The following GALNT13 variants were observed in gnomAD, a reference collection of about 807,000 sequenced individuals.
GALNT13 encodes the protein UDP-GalNAc:polypeptide N-acetylgalactosaminyltransferase 13.
GALNT13 carries 28 observed loss-of-function variants against 64.2 expected under a neutral mutation model. The observed-to-expected ratio is 0.44, with a 90% CI of 0.32 to 0.60. The LOEUF (loss-of-function observed/expected upper bound fraction) is 0.60, where lower values mean the gene tolerates loss of function less well. Ranked by LOEUF, GALNT13 falls within the 20% of genes least tolerant of loss-of-function variation. The probability of loss-of-function intolerance (pLI) is 0.05; values close to 1 mark genes in which losing one functional copy is unlikely to be tolerated. For missense variants in GALNT13, 577 were observed against 669.8 expected (o/e 0.86, Z 1.53); for synonymous variants, 214 against 224.6 (o/e 0.95, Z 0.42).
At chr2:154,429,799 G>A (rs1028073905) in intron 11 of GALNT13, among the ~76,000 whole-genome samples, 3 of 152,084 alleles carry the variant, frequency 2.0e-5, no homozygotes, top group East Asian at 1.9e-4. Context: ...AAAATATAGC[G>A]AGTGACTTTA....
At chr2:153,767,805 T>TC in the GALNT13 span, among the ~76,000 whole-genome samples, 706 of 151,084 alleles carry the variant, frequency 4.7e-3, 5 homozygotes, top group African/African-American at 0.015. Flanking sequence ...TTTTTTTTTT[T>TC]CCCCCTGTTT....
At chr2:153,619,778 G>A in the GALNT13 span, among the ~76,000 whole-genome samples, 1 of 152,044 alleles carries the variant, frequency 6.6e-6, no homozygotes, top group Non-Finnish European at 1.5e-5. Flanking sequence ...CCCTCTCCTG[G>A]CCTGTAAGGT....
At chr2:153,318,085 C>A in the GALNT13 span, among the ~76,000 whole-genome samples, 3 of 146,940 alleles carry the variant, frequency 2.0e-5, no homozygotes, top group Middle Eastern at 0.011. Context: ...GTGCTAATAT[C>A]TTTGCAACCT....
At chr2:153,297,857 G>C in the GALNT13 span, among the ~76,000 whole-genome samples, 4 of 152,180 alleles carry the variant, frequency 2.6e-5, no homozygotes, top group Non-Finnish European at 5.9e-5. Flanking sequence ...GTGTCACAAT[G>C]TGCTGACTGA....
chr2:153,630,789 ATATATATATATATATATATTTTT>A, the GALNT13 span, among the ~76,000 whole-genome samples: 12 of 12,386 alleles, frequency 9.7e-4, no homozygotes, highest in South Asian at 0.042. Flanking sequence ...ATATATATAT[ATATATATATATATATATATTTTT>A]TTTTTTTTTT....
chr2:153,742,262 T>C, the GALNT13 span, among the ~76,000 whole-genome samples: 1 of 152,164 alleles, frequency 6.6e-6, no homozygotes, highest in South Asian at 2.1e-4. Context: ...TTTACCTTCA[T>C]ATAATGTCCT....
chr2:153,365,827 A>G, the GALNT13 span, among the ~76,000 whole-genome samples: 237 of 152,324 alleles, frequency 1.6e-3, 2 homozygotes, highest in African/African-American at 5.1e-3. Context: ...TGTGGAAGAC[A>G]GTGTGGAGAT....
chr2:153,721,670 G>A, the GALNT13 span, among the ~76,000 whole-genome samples: 2 of 151,448 alleles, frequency 1.3e-5, no homozygotes, highest in African/African-American at 4.9e-5. Context: ...CCTAGTCTCT[G>A]ATAAAACAGA....
the GALNT13 span, among the ~76,000 whole-genome samples, chr2:153,711,567 A>C: frequency 2.6e-5 from 4 of 152,172 alleles, no homozygotes; most frequent in Non-Finnish European, 4.4e-5. Context: ...ATTTCCACCC[A>C]GGTTTGACAT....
At chr2:153,535,845 G>A in the GALNT13 span, among the ~76,000 whole-genome samples, 1 of 152,158 alleles carries the variant, frequency 6.6e-6, no homozygotes, top group Middle Eastern at 3.2e-3. Flanking sequence ...ATAAAGGCTG[G>A]TCTGTTATCA....
chr2:153,088,938 T>C, the GALNT13 span, among the ~76,000 whole-genome samples: 1 of 152,188 alleles, frequency 6.6e-6, no homozygotes, highest in Non-Finnish European at 1.5e-5. Flanking sequence ...GGTGTGTATC[T>C]TTAAAGTGGA....
the GALNT13 span, among the ~76,000 whole-genome samples, chr2:153,299,951 G>A: frequency 6.6e-6 from 1 of 152,080 alleles, no homozygotes; most frequent in African/African-American, 2.4e-5. Flanking sequence ...TCATCCCGTG[G>A]TGCCGAGTAC....
chr2:153,948,340 A>G (rs1017366249), intron 3 of GALNT13, among the ~76,000 whole-genome samples: 7 of 152,092 alleles, frequency 4.6e-5, no homozygotes, highest in African/African-American at 1.7e-4. Flanking sequence ...TATTACTAAA[A>G]AGTCAAAAAA....
chr2:153,158,648 A>G, the GALNT13 span, among the ~76,000 whole-genome samples: 2 of 152,186 alleles, frequency 1.3e-5, no homozygotes, highest in Non-Finnish European at 2.9e-5. Context: ...ATGACCCATG[A>G]AAGGTATTCT....
At chr2:154,010,714 TC>T (rs1447528335) in intron 3 of GALNT13, among the ~76,000 whole-genome samples, 14 of 152,154 alleles carry the variant, frequency 9.2e-5, no homozygotes, top group Admixed American at 5.2e-4. Flanking sequence ...GTCAATCTGG[TC>T]CAGGACTTTT....
the GALNT13 span, among the ~76,000 whole-genome samples, chr2:153,072,548 A>T: frequency 6.6e-6 from 1 of 152,160 alleles, no homozygotes; most frequent in African/African-American, 2.4e-5. Context: ...ATAAATCCTT[A>T]TGCCTTTCTG....
chr2:153,382,940 A>G, the GALNT13 span, among the ~76,000 whole-genome samples: 1 of 152,076 alleles, frequency 6.6e-6, no homozygotes, highest in Non-Finnish European at 1.5e-5. Context: ...TGAATTTTCT[A>G]TTTAATCTTA....
At chr2:153,105,576 T>C in the GALNT13 span, among the ~76,000 whole-genome samples, 3 of 152,144 alleles carry the variant, frequency 2.0e-5, no homozygotes, top group Non-Finnish European at 2.9e-5. Context: ...AAAGAGGAAG[T>C]CAAATTGTCC....
intron 3 of GALNT13, among the ~76,000 whole-genome samples, chr2:154,030,564 G>C (rs975052600): frequency 1.3e-5 from 2 of 152,068 alleles, no homozygotes; most frequent in African/African-American, 2.4e-5. Flanking sequence ...AGTTAAACTT[G>C]GTTATTGATA....
Sources: allele counts gnomAD v4.1 joint callset (sites outside exome capture counted in the v4.1 genomes callset), GRCh38; gene constraint gnomAD v4.1.1; transcripts MANE v1.5; gene names NCBI Gene and HGNC (gene_info 2026-07-23, HGNC 2026-07-21).